ARK2N: variants seen among roughly 807,000 people sequenced by gnomAD.
ARK2N encodes protein ARK2N.
the ARK2N span, among the ~76,000 whole-genome samples, chr18:46,199,841 G>T: frequency 1.8e-4 from 27 of 152,252 alleles, no homozygotes; most frequent in African/African-American, 6.5e-4. Flanking sequence ...TGACAAAGAG[G>T]TTTGGTTCTA....
the ARK2N span, among the ~76,000 whole-genome samples, chr18:46,260,766 G>A: frequency 4.6e-5 from 7 of 152,158 alleles, no homozygotes; most frequent in South Asian, 6.2e-4. Context: ...GTAACTTCAG[G>A]TATAGCCTGA....
At chr18:46,197,189 T>C in the ARK2N span, among the ~76,000 whole-genome samples, 1 of 152,154 alleles carries the variant, frequency 6.6e-6, no homozygotes, top group Non-Finnish European at 1.5e-5. Context: ...CCATGAGTTA[T>C]TTACATTTTT....
chr18:46,233,522 A>G, the ARK2N span, among the ~76,000 whole-genome samples: 2 of 152,132 alleles, frequency 1.3e-5, no homozygotes, highest in East Asian at 1.9e-4. Context: ...TTATCTTCCA[A>G]ATAACCCCAC....
the ARK2N span, chr18:46,253,678 T>C: frequency 7.7e-5 from 124 of 1,603,262 alleles, no homozygotes; most frequent in African/African-American, 1.4e-3. Flanking sequence ...TTGTTTTTTT[T>C]CCTCCCCTTC....
the ARK2N span, among the ~76,000 whole-genome samples, chr18:46,241,020 A>AT: frequency 2.0e-5 from 3 of 152,256 alleles, no homozygotes; most frequent in Non-Finnish European, 2.9e-5. Flanking sequence ...TTTCTAGTTA[A>AT]TTTATAAATG....
the ARK2N span, chr18:46,216,388 A>G: frequency 5.6e-6 from 9 of 1,614,034 alleles, no homozygotes; most frequent in Non-Finnish European, 7.6e-6. The surrounding 1 kb of genome is among the most constrained non-coding windows in gnomAD (Gnocchi z 4.3). Flanking sequence ...CCGAGTCGCC[A>G]AGGTTAAAGG....
the ARK2N span, among the ~76,000 whole-genome samples, chr18:46,260,946 G>A: frequency 4.6e-5 from 7 of 152,100 alleles, no homozygotes; most frequent in African/African-American, 1.4e-4. Context: ...ACTGCTTGAC[G>A]TTACATTGTA....
the ARK2N span, among the ~76,000 whole-genome samples, chr18:46,191,785 T>C: frequency 6.6e-6 from 1 of 152,090 alleles, no homozygotes; most frequent in Non-Finnish European, 1.5e-5. Flanking sequence ...TCATACAGAG[T>C]AGTTTGGCCT....
At chr18:46,197,526 G>A in the ARK2N span, among the ~76,000 whole-genome samples, 3 of 152,108 alleles carry the variant, frequency 2.0e-5, no homozygotes, top group Non-Finnish European at 2.9e-5. Flanking sequence ...GAGCCACCAC[G>A]CCTAGCCAAA....
chr18:46,206,748 TCTC>T, the ARK2N span, among the ~76,000 whole-genome samples: 2 of 152,070 alleles, frequency 1.3e-5, no homozygotes, highest in Non-Finnish European at 2.9e-5. Context: ...TTCTCTTCAT[TCTC>T]CTCCTCTCTC....
At chr18:46,180,426 G>A in the ARK2N span, among the ~76,000 whole-genome samples, 1 of 152,238 alleles carries the variant, frequency 6.6e-6, no homozygotes, top group African/African-American at 2.4e-5. Flanking sequence ...GCAGTTTGGG[G>A]CAGGGCACGG....
the ARK2N span, among the ~76,000 whole-genome samples, chr18:46,251,708 C>T: frequency 6.6e-6 from 1 of 152,164 alleles, no homozygotes; most frequent in Non-Finnish European, 1.5e-5. Flanking sequence ...TGTTAGTATA[C>T]ATTTTTCCAA....
the ARK2N span, among the ~76,000 whole-genome samples, chr18:46,250,723 G>T: frequency 6.6e-6 from 1 of 152,012 alleles, no homozygotes; most frequent in Non-Finnish European, 1.5e-5. Flanking sequence ...TGGTTCAGTG[G>T]CTTCCTACTT....
At chr18:46,239,238 G>A in the ARK2N span, among the ~76,000 whole-genome samples, 1 of 152,082 alleles carries the variant, frequency 6.6e-6, no homozygotes, top group African/African-American at 2.4e-5. Context: ...GGGATTTGAG[G>A]GTGGAAGGGT....
At chr18:46,178,017 CA>C in the ARK2N span, among the ~76,000 whole-genome samples, 2 of 152,230 alleles carry the variant, frequency 1.3e-5, no homozygotes, top group Non-Finnish European at 2.9e-5. Flanking sequence ...ATAAGACCAA[CA>C]AGGCCACCTG....
At chr18:46,179,463 TAAA>T in the ARK2N span, among the ~76,000 whole-genome samples, 1 of 152,114 alleles carries the variant, frequency 6.6e-6, no homozygotes, top group Non-Finnish European at 1.5e-5. Context: ...TGATTCCACT[TAAA>T]GAAGCAGTGT....
chr18:46,236,909 AC>A, the ARK2N span, among the ~76,000 whole-genome samples: 2 of 149,336 alleles, frequency 1.3e-5, no homozygotes, highest in Non-Finnish European at 3.0e-5. Context: ...TGTTGGCCAC[AC>A]TGGAGTACAG....
the ARK2N span, among the ~76,000 whole-genome samples, chr18:46,230,263 A>G: frequency 0.18 from 28,064 of 152,094 alleles, 2,839 homozygotes; most frequent in East Asian, 0.41. Context: ...TTACATGACT[A>G]GTGTAGGTTA....
At chr18:46,265,090 A>C in the ARK2N span, 1 of 152,470 alleles carries the variant, frequency 6.6e-6, no homozygotes, top group East Asian at 1.9e-4. Context: ...TTCACATTTT[A>C]CTTTAGGATT....
Sources: gnomAD v4.1 joint callset for allele counts (sites outside exome capture counted in the v4.1 genomes callset) on GRCh38, gnomAD v4.1.1 for gene constraint, Gnocchi (gnomAD v3.1) non-coding constraint, MANE v1.5 for transcripts, NCBI Gene and HGNC (gene_info 2026-07-23, HGNC 2026-07-21) for gene names.